Variants in SYNE2 observed in about 807,000 individuals in gnomAD.
SYNE2 encodes spectrin repeat containing nuclear envelope protein 2.
Under a neutral mutation model 856.3 loss-of-function variants are expected in SYNE2, and 431 were observed. The observed-to-expected ratio is 0.50, with a 90% CI of 0.47 to 0.55. The LOEUF is 0.55. Among genes scored for constraint, SYNE2 ranks in the 20% least tolerant of loss-of-function variants. SYNE2 has a pLI of 0.00. For synonymous variants in SYNE2, 2,923 were observed against 2,872.3 expected, an observed-to-expected ratio of 1.02 and a Z score of -0.56; for missense variants, 8,129 against 8,023.2, an observed-to-expected ratio of 1.01 and a Z score of -0.50.
rs184218195 is a variant in SYNE2, at chr14:64,129,806, C to G, written c.14044C>G (p.Leu4682Val). The G allele has an allele frequency of 6.2e-7, 1 of 1,614,128 alleles. No individual in the cohort carries two copies. The highest frequency in any genetic ancestry group is 1.7e-5 in the Admixed American group (1 of 60,016). Residue 4682 changes from leucine to valine, a missense_variant, in exon 75 of 116, where the codon CTG (leucine) becomes GTG (valine). Leu to Val is a conservative substitution (Grantham distance 32). Around this residue, in one of 3 missense-constraint regions of SYNE2, gnomAD observed 5,410 missense variants for 5,284.8 expected, o/e 1.02. Transcript: ENST00000555002. ...GAAAGCAGATGCATATACAGTGGAG[C>G]TGGAGAACGCCGAGAGCCGAGTGGC... ...LQKADAYTVE[L>V]ENAESRVAKL...
chr14:64,133,616 A>G (rs1332381106), intron 77 of SYNE2, among the ~76,000 whole-genome samples: 1 of 152,152 alleles, frequency 6.6e-6, no homozygotes, highest in Non-Finnish European at 1.5e-5. Flanking sequence ...TGCAAGTGGC[A>G]TGGGGGTTTG....
chr14:64,140,385 C>A (rs2098129811), intron 80 of SYNE2, among the ~76,000 whole-genome samples: 1 of 152,118 alleles, frequency 6.6e-6, no homozygotes. Context: ...GATTTCGATA[C>A]CAGCCTGACA....
chr14:64,087,491 G>A (rs1166283642), intron 57 of SYNE2, 180 bp from the exon 58 acceptor site: 4 of 774,586 alleles, frequency 5.2e-6, no homozygotes, highest in South Asian at 1.4e-5. Context: ...TATACAGGTA[G>A]ATACTCTGAA....
intron 1 of SYNE2, among the ~76,000 whole-genome samples, chr14:63,826,510 C>T (rs529370033): frequency 2.0e-5 from 3 of 152,214 alleles, no homozygotes; most frequent in East Asian, 1.9e-4. Context: ...CCATGTTGGC[C>T]GGGATGGTCT....
At position 64,190,169 on chromosome 14, in the gene SYNE2, T is replaced by C. The variant is rs371212104; in HGVS notation, c.17970T>C (p.Ala5990=). 1 of 1,614,126 alleles carries C rather than the reference T, an allele frequency of 6.2e-7. No homozygotes were observed. Among genetic ancestry groups the C allele is most frequent in the South Asian group, 1.1e-5 (1 of 91,076 alleles). Residue 5990 remains alanine (A), a synonymous_variant, in exon 99 of 116, where the codon GCT becomes GCC. Coordinates refer to ENST00000555002, the MANE Select transcript of SYNE2 (RefSeq NM_182914.3). The part of the protein sequence containing the change: ...LIKASNKSRA[A]EIDDKLNKIN... ...AGGCCAGCAACAAATCAAGAGCAGCTGAGATCGATGACAAGCTCAACAAAA... is the reference window on the plus strand; with the variant it reads ...AGGCCAGCAACAAATCAAGAGCAGCCGAGATCGATGACAAGCTCAACAAAA...
Position 63,974,851 on chromosome 14 carries a change from CATGT to C in SYNE2, c.1129-1711_1129-1708del, listed in dbSNP as rs1177576147. Among the ~76,000 whole-genome samples, 327 of 52,718 alleles carry C rather than the reference CATGT, an allele frequency of 6.2e-3. 7 individuals are homozygous for C. The highest frequency in any genetic ancestry group is 0.012 in the Middle Eastern group (1 of 82). 34.6% of individuals were successfully genotyped at this position (52,718 alleles called of 152,430 possible). On this transcript the variant is annotated intron_variant, in intron 11 of 115. Transcript: ENST00000555002. ...GTATATAGACGTGTGTGTGTGTGTA[CATGT>C]GTGTGTGTGTGTGTGTGTGTGTGTG...
In SYNE2 at chr14:64,065,567, T is replaced by G. The variant is rs375398029; in HGVS notation, c.10348T>G (p.Trp3450Gly). The G allele has an allele frequency of 4.9e-5, 79 of 1,613,918 alleles. No individual in the cohort carries two copies. Among genetic ancestry groups the G allele is most frequent in the Non-Finnish European group, 6.4e-5 (75 of 1,180,036 alleles). Residue 3450 changes from tryptophan (W) to glycine (G), a missense_variant, in exon 51 of 116, where the codon TGG becomes GGG. Physicochemically the swap from Trp to Gly is radical, Grantham distance 184. This residue lies in a region of SYNE2 where 5,410 missense variants were observed against 5,284.8 expected (regional missense o/e 1.02). Transcript: ENST00000555002. ...LKIVSALWEK[W>G]LSLLEAAKEW... ...GATTGTGTCGGCTCTGTGGGAGAAATGGCTGAGTTTGCTGGAAGCTGCTAA... is the reference window on the plus strand; with the variant it reads ...GATTGTGTCGGCTCTGTGGGAGAAAGGGCTGAGTTTGCTGGAAGCTGCTAA...
chr14:64,053,363 T>C lies in SYNE2; in HGVS notation c.9450T>C (p.Asp3150=), dbSNP rs1394051492. Reference sequence around the variant, plus strand: ...TAGAACTCTCACCAAAAGAATTGGATGAAAAGAATTGTCAGGACAAACTAG... The same window carrying C: ...TAGAACTCTCACCAAAAGAATTGGACGAAAAGAATTGTCAGGACAAACTAG... The part of the protein sequence containing the change: ...MVLELSPKEL[D]EKNCQDKLET... Residue 3150 remains aspartate, a synonymous_variant, in exon 48 of 116, where the codon GAT becomes GAC. Transcript: ENST00000555002. The C allele has an allele frequency of 1.9e-6, 3 of 1,613,622 alleles. No individual in the cohort carries two copies. The East Asian group carries it at 6.7e-5, about 36-fold the overall frequency.
At chr14:64,006,429 T>C (rs369151634) in intron 30 of SYNE2, among the ~76,000 whole-genome samples, 80 of 152,280 alleles carry the variant, frequency 5.3e-4, no homozygotes, top group African/African-American at 1.8e-3. Context: ...CTCTCTCTCT[T>C]TTCTCTCGTG....
At chr14:64,211,848 T>G in intron 103 of SYNE2, 113 bp from the exon 104 acceptor site, 2 of 1,504,136 alleles carry the variant, frequency 1.3e-6, no homozygotes, top group East Asian at 4.5e-5. Flanking sequence ...AGAGGCAGAT[T>G]TCTCCCTGAG....
intron 1 of SYNE2, among the ~76,000 whole-genome samples, chr14:63,779,809 G>A (rs1165935002): frequency 6.6e-6 from 1 of 152,166 alleles, no homozygotes. Context: ...TACTCAGGAG[G>A]CTGAGGCAGG....
chr14:64,037,917 C>T (rs1441869873), intron 45 of SYNE2, among the ~76,000 whole-genome samples: 123 of 146,572 alleles, frequency 8.4e-4, no homozygotes, highest in African/African-American at 2.7e-3. Context: ...CCTCCCGGAC[C>T]GGGCGGCTGG....
At chr14:63,962,035 A>G (rs772997285) in intron 9 of SYNE2, among the ~76,000 whole-genome samples, 6 of 151,218 alleles carry the variant, frequency 4.0e-5, no homozygotes, top group African/African-American at 1.5e-4. Flanking sequence ...TCTATTTTTT[A>G]TTTTTATTTT....
At chr14:64,098,235 A>C (rs1211495737) in intron 62 of SYNE2, 89 bp downstream of exon 62, 1 of 1,400,094 alleles carries the variant, frequency 7.1e-7, no homozygotes, top group Admixed American at 1.8e-5. Context: ...TGTGGCATCT[A>C]TGTCTATGGC....
chr14:64,133,133 G>T (rs1375543490), intron 77 of SYNE2, among the ~76,000 whole-genome samples: 1 of 151,934 alleles, frequency 6.6e-6, no homozygotes, highest in Admixed American at 6.6e-5. Flanking sequence ...GTGAACCCGG[G>T]AGGCAGACCT....
At chr14:63,881,094 C>T (rs561791635) in intron 1 of SYNE2, among the ~76,000 whole-genome samples, 4 of 151,778 alleles carry the variant, frequency 2.6e-5, no homozygotes, top group South Asian at 2.1e-4. Context: ...GTGATCTGCC[C>T]GCCTCGGCCT....
intron 105 of SYNE2, 129 bp from the exon 106 acceptor site, chr14:64,214,065 T>C (rs1404075553): frequency 1.4e-6 from 2 of 1,423,492 alleles, no homozygotes; most frequent in African/African-American, 2.9e-5. Context: ...CCTGATCTTT[T>C]TAAAGCTGCC....
chr14:63,913,890 G>T (rs565786185), intron 2 of SYNE2, among the ~76,000 whole-genome samples: 329 of 31,142 alleles, frequency 0.011, no homozygotes, highest in South Asian at 0.036. Context: ...ATATATACGG[G>T]GGAAGTCTTG....
chr14:64,151,902 G>A (rs543951946), intron 84 of SYNE2, among the ~76,000 whole-genome samples: 2 of 152,264 alleles, frequency 1.3e-5, no homozygotes, highest in Admixed American at 6.5e-5. Flanking sequence ...AGCTCCGACC[G>A]TCCTTCCTCT....
Sources: gnomAD v4.1 joint callset for allele counts (sites outside exome capture counted in the v4.1 genomes callset) on GRCh38, gnomAD v4.1.1 for gene constraint, gnomAD v4.1.1 regional missense constraint, MANE v1.5 for transcripts, NCBI Gene and HGNC (gene_info 2026-07-23, HGNC 2026-07-21) for gene names.